LSP1: variants seen among roughly 807,000 people sequenced by gnomAD.
LSP1 encodes the protein lymphocyte-specific protein 1.
LSP1 carries 32 observed loss-of-function variants against 49.3 expected under a neutral mutation model. That is an observed-to-expected ratio of 0.65 (90% CI 0.49 to 0.87). LSP1 has a LOEUF of 0.87. LSP1 is among the 40% of genes least tolerant of loss of function. The pLI is 0.00. For synonymous variants in LSP1, 179 were observed against 178.8 expected, an observed-to-expected ratio of 1.00 and a Z score of -0.01; for missense variants, 428 against 442.6, an observed-to-expected ratio of 0.97 and a Z score of 0.30.
chr11:1,887,645 C>T, intron 10 of LSP1, 69 bp downstream of exon 10: 1 of 1,294,068 alleles, frequency 7.7e-7, no homozygotes. Context: ...AACTTGGCAA[C>T]CTGGAGGCTG....
intron 1 of LSP1, among the ~76,000 whole-genome samples, chr11:1,867,292 T>TG (rs1847824861): frequency 1.3e-5 from 2 of 151,930 alleles, no homozygotes; most frequent in African/African-American, 4.8e-5. Flanking sequence ...TGTGCACTAA[T>TG]ACACACCCCC....
At chr11:1,888,481 T>C (rs1409780766) in intron 10 of LSP1, 2 of 151,478 alleles carry the variant, frequency 1.3e-5, no homozygotes, top group Non-Finnish European at 2.9e-5. Flanking sequence ...TCAGCCCAGG[T>C]AGGGGAAGCA....
At chr11:1,885,423 A>G (rs1446158377) in intron 7 of LSP1, among the ~76,000 whole-genome samples, 1 of 151,708 alleles carries the variant, frequency 6.6e-6, no homozygotes. Context: ...CAATACCCCT[A>G]TTCATTCAGT....
chr11:1,872,265 TGGGGTCTGTCCGGCTGGCGTG>T (rs1217798091), intron 1 of LSP1, among the ~76,000 whole-genome samples: 49 of 127,226 alleles, frequency 3.9e-4, no homozygotes, highest in South Asian at 5.9e-4. Flanking sequence ...CTGGTAGAGT[TGGGGTCTGTCCGGCTGGCGTG>T]GGCACCTTTG....
At chr11:1,862,851 G>A (rs1847679435) in intron 1 of LSP1, among the ~76,000 whole-genome samples, 1 of 151,914 alleles carries the variant, frequency 6.6e-6, no homozygotes, top group African/African-American at 2.4e-5. Context: ...CCCTCCCCTG[G>A]GTGAGCTCAC....
At position 1,887,612 on chromosome 11, in the gene LSP1, GCA is replaced by G. The variant is rs753967969; in HGVS notation, c.*13+42_*13+43del. The G allele has an allele frequency of 3.9e-6, 6 of 1,533,264 alleles. No homozygotes were observed. The South Asian group carries it at 6.7e-5, about 17-fold the overall frequency. 95.0% of individuals were successfully genotyped at this position (1,533,264 alleles called of 1,614,324 possible). A position where few individuals can be genotyped will look rare whatever the true frequency, so the allele number is the denominator to read the frequency against. On this transcript the variant is annotated intron_variant, in intron 10 of 10. Transcript: ENST00000311604. ...GGCAACTCACAGAAGGGGATGAGGT[GCA>G]CACACGTGCACTGTGCTGGGAACTT...
intron 7 of LSP1, among the ~76,000 whole-genome samples, chr11:1,885,473 C>T (rs1442670099): frequency 1.3e-5 from 2 of 152,002 alleles, no homozygotes; most frequent in African/African-American, 4.8e-5. Flanking sequence ...CCAACCAAAA[C>T]AACTTCATCC....
intron 1 of LSP1, chr11:1,870,637 G>A (rs1447635316): frequency 9.2e-7 from 1 of 1,089,070 alleles, no homozygotes; most frequent in Non-Finnish European, 1.1e-6. Flanking sequence ...CTTCTCTCTG[G>A]GTGCCGGCTG....
At chr11:1,877,336 G>A (rs1044372426) in intron 1 of LSP1, among the ~76,000 whole-genome samples, 1 of 152,184 alleles carries the variant, frequency 6.6e-6, no homozygotes, top group African/African-American at 2.4e-5. Context: ...AGGCCTCCAC[G>A]TCCTCAGGCT....
chr11:1,873,594 A>T (rs1216294944), intron 1 of LSP1, among the ~76,000 whole-genome samples: 1 of 145,648 alleles, frequency 6.9e-6, no homozygotes, highest in Non-Finnish European at 1.5e-5. Flanking sequence ...AGAAGGGAGG[A>T]TGGAGAAGGG....
chr11:1,880,458 T>A, intron 2 of LSP1, among the ~76,000 whole-genome samples: 1 of 151,956 alleles, frequency 6.6e-6, no homozygotes, highest in East Asian at 1.9e-4. Flanking sequence ...TGACCCAGGC[T>A]CTGTGTCCGT....
intron 1 of LSP1, chr11:1,876,477 G>T (rs1449914605): frequency 1.0e-6 from 1 of 985,510 alleles, no homozygotes; most frequent in East Asian, 1.1e-4. Flanking sequence ...CTCTTCACCA[G>T]AGCCTCCTCA....
At chr11:1,867,379 C>T (rs1465899375) in intron 1 of LSP1, among the ~76,000 whole-genome samples, 4 of 146,580 alleles carry the variant, frequency 2.7e-5, no homozygotes, top group Admixed American at 7.0e-5. Context: ...ACACACACGA[C>T]CACCCGGGAC....
intron 1 of LSP1, among the ~76,000 whole-genome samples, chr11:1,874,719 G>C (rs1848235199): frequency 6.6e-6 from 1 of 152,174 alleles, no homozygotes. Context: ...ACCCTGGGTA[G>C]TGAGAACCGG....
intron 1 of LSP1, chr11:1,866,408 T>G: frequency 7.2e-7 from 1 of 1,390,828 alleles, no homozygotes; most frequent in East Asian, 2.5e-5. Context: ...GTCTGAGGAG[T>G]TGAGGGCAGC....
chr11:1,890,381 G>C, intron 10 of LSP1: 3 of 716,804 alleles, frequency 4.2e-6, no homozygotes, highest in Non-Finnish European at 7.8e-6. Context: ...CCTCACTCAC[G>C]GGGGACAGGG....
At position 1,880,237 on chromosome 11, in the gene LSP1, A is replaced by T. The variant is rs2271439; in HGVS notation, c.191+13A>T. 1.3e-6 allele frequency: 2 copies of T among 1,579,272 alleles called. No individual in the cohort carries two copies. The highest frequency in any genetic ancestry group is 1.7e-6 in the Non-Finnish European group (2 of 1,160,024). On this transcript the variant is annotated intron_variant, in intron 2 of 10. Transcript: ENST00000311604. Reference sequence around the variant, plus strand: ...AGCAGGAGATGCTGTGAGCAGCCCCATAACGCGTGCCTGGGCTCTAGCCCC... The same window carrying T: ...AGCAGGAGATGCTGTGAGCAGCCCCTTAACGCGTGCCTGGGCTCTAGCCCC...
chr11:1,881,306 T>C, intron 2 of LSP1, 126 bp from the exon 3 acceptor site: 1 of 928,724 alleles, frequency 1.1e-6, no homozygotes. Context: ...CAGAGCCAGC[T>C]CTGTGGCAGA....
intron 1 of LSP1, among the ~76,000 whole-genome samples, chr11:1,860,450 TAGAA>T (rs1249653676): frequency 3.3e-5 from 5 of 152,040 alleles, no homozygotes; most frequent in Non-Finnish European, 5.9e-5. Flanking sequence ...CATGCATAAA[TAGAA>T]AGAATTATTT....
Sources: gnomAD v4.1 joint callset for allele counts (sites outside exome capture counted in the v4.1 genomes callset) on GRCh38, gnomAD v4.1.1 for gene constraint, MANE v1.5 for transcripts, NCBI Gene and HGNC (gene_info 2026-07-23, HGNC 2026-07-21) for gene names.